The following RSU1 variants were observed in gnomAD, a reference collection of about 807,000 sequenced individuals.
RSU1 encodes the protein Ras suppressor protein 1.
In RSU1, 26 loss-of-function variants were observed where a neutral mutation model predicts 31.1. The observed-to-expected ratio is 0.84, with a 90% CI of 0.61 to 1.16. The LOEUF is 1.16. RSU1 is among the 50% of genes most tolerant of loss of function. The probability of loss-of-function intolerance (pLI) is 0.00; values close to 1 mark genes in which losing one functional copy is unlikely to be tolerated. For missense variants in RSU1, 320 were observed against 339.1 expected (o/e 0.94, Z 0.44); for synonymous variants, 164 against 136.3 (o/e 1.20, Z -1.41).
intron 8 of RSU1, among the ~76,000 whole-genome samples, chr10:16,680,860 G>T (rs1835317946): frequency 6.6e-6 from 1 of 152,106 alleles, no homozygotes; most frequent in Non-Finnish European, 1.5e-5. Flanking sequence ...ACAAAACAAA[G>T]AGCTCAAGTT....
intron 8 of RSU1, among the ~76,000 whole-genome samples, chr10:16,633,988 G>A (rs1040523786): frequency 2.6e-5 from 4 of 152,204 alleles, no homozygotes; most frequent in East Asian, 3.9e-4. Flanking sequence ...GACAGATTAC[G>A]GCAGTGCACG....
intron 8 of RSU1, among the ~76,000 whole-genome samples, chr10:16,694,620 C>T (rs1835635466): frequency 6.6e-6 from 1 of 152,182 alleles, no homozygotes; most frequent in South Asian, 2.1e-4. Context: ...CATCCAGGCT[C>T]GAGTGCAGGG....
At chr10:16,687,232 T>C (rs934255499) in intron 8 of RSU1, among the ~76,000 whole-genome samples, 11 of 152,184 alleles carry the variant, frequency 7.2e-5, no homozygotes, top group Non-Finnish European at 1.6e-4. Context: ...AGCTGGTTTT[T>C]AAGCCCTAGT....
intron 7 of RSU1, among the ~76,000 whole-genome samples, chr10:16,696,324 G>A (rs1835676353): frequency 6.6e-6 from 1 of 152,180 alleles, no homozygotes; most frequent in Non-Finnish European, 1.5e-5. Context: ...TGGGACGCAA[G>A]TACAAAGCAA....
Position 16,722,927 on chromosome 10 carries a change from TAC to T in RSU1, c.599-27774_599-27773del, listed in dbSNP as rs1208373648. Among the ~76,000 whole-genome samples, 27 of 147,574 alleles carry T rather than the reference TAC, an allele frequency of 1.8e-4. No homozygotes were observed. In the East Asian group the frequency reaches 2.2e-3, roughly 12 times the overall value. On this transcript the variant is annotated intron_variant, in intron 7 of 8. Transcript: ENST00000345264. ...ACACACATATACATATATGTATATA[TAC>T]ACACATATACATATATGTATATATA...
rs1000626933 is a variant in RSU1, at chr10:16,590,792, G to A, written c.*2602C>T. 1.3e-5 allele frequency: 2 copies of A among 152,124 alleles called. No individual in the cohort carries two copies. The highest frequency in any genetic ancestry group is 2.9e-5 in the Non-Finnish European group (2 of 68,024). 9.4% of individuals were successfully genotyped at this position (152,124 alleles called of 1,614,324 possible). A position where few individuals can be genotyped will look rare whatever the true frequency, so the allele number is the denominator to read the frequency against. ...ACCTCTATTTAATTTTTATGCACAC[G>A]TATTACAAACAAGCTTCCTTTTGAC... On this transcript the variant is annotated 3_prime_UTR_variant, in exon 9 of 9. Coordinates refer to ENST00000345264, the MANE Select transcript of RSU1 (RefSeq NM_012425.4).
intron 2 of RSU1, among the ~76,000 whole-genome samples, chr10:16,791,371 T>C (rs1029103043): frequency 1.3e-5 from 2 of 152,106 alleles, no homozygotes; most frequent in Non-Finnish European, 2.9e-5. Flanking sequence ...TGGTGGCTCA[T>C]GCCTGTAATC....
intron 7 of RSU1, among the ~76,000 whole-genome samples, chr10:16,702,309 C>T (rs895804595): frequency 2.6e-5 from 4 of 152,200 alleles, no homozygotes; most frequent in East Asian, 1.9e-4. Flanking sequence ...ACTGAGGAAC[C>T]GCCTTACTGG....
chr10:16,804,401 C>T (rs11254202), intron 2 of RSU1, among the ~76,000 whole-genome samples: 10,378 of 152,260 alleles, frequency 0.068, 572 homozygotes, highest in African/African-American at 0.15. Context: ...GAGAAGACAG[C>T]TTAATAGTCT....
At position 16,783,365 on chromosome 10, in the gene RSU1, T is replaced by A. The variant is rs533753138; in HGVS notation, c.110-1281A>T. On this transcript the variant is annotated intron_variant, in intron 2 of 8. Coordinates refer to ENST00000345264, the MANE Select transcript of RSU1 (RefSeq NM_012425.4). ...CACTTCTACTGACCACAACTTTTGC[T>A]TTTTTTTTTGAGACTGAGTCTCACT... is the stretch of plus-strand genomic sequence containing the variant. 8.0e-4 allele frequency among the ~76,000 whole-genome samples: 55 copies of A among 68,782 alleles called. 1 individual carries two copies. In the South Asian group the frequency reaches 0.02, roughly 26 times the overall value. 45.1% of individuals were successfully genotyped at this position (68,782 alleles called of 152,430 possible).
intron 2 of RSU1, among the ~76,000 whole-genome samples, chr10:16,800,097 C>T (rs186409327): frequency 5.3e-5 from 8 of 152,086 alleles, no homozygotes; most frequent in Non-Finnish European, 1.0e-4. Flanking sequence ...AAATTTTACC[C>T]TCTGACACCC....
chr10:16,674,977 G>C (rs1284421370), intron 8 of RSU1, among the ~76,000 whole-genome samples: 1 of 152,138 alleles, frequency 6.6e-6, no homozygotes, highest in East Asian at 1.9e-4. Flanking sequence ...AGGTTGCAGT[G>C]AGCCAAGACT....
intron 8 of RSU1, among the ~76,000 whole-genome samples, chr10:16,663,655 G>A (rs1036824532): frequency 3.3e-5 from 5 of 152,120 alleles, no homozygotes; most frequent in East Asian, 1.9e-4. Context: ...TACATGTGTC[G>A]TCAGTATGCA....
intron 3 of RSU1, among the ~76,000 whole-genome samples, chr10:16,777,746 AT>A (rs1291612185): frequency 1.3e-5 from 2 of 152,206 alleles, no homozygotes; most frequent in Non-Finnish European, 2.9e-5. Flanking sequence ...TAGGGATTGG[AT>A]TAAGGAGCAG....
chr10:16,676,037 G>A (rs1015234001), intron 8 of RSU1, among the ~76,000 whole-genome samples: 1 of 152,182 alleles, frequency 6.6e-6, no homozygotes, highest in East Asian at 1.9e-4. Flanking sequence ...GGTACATGAT[G>A]AGCCAAGAAA....
chr10:16,616,241 A>G (rs1212371819), intron 8 of RSU1, among the ~76,000 whole-genome samples: 1 of 152,154 alleles, frequency 6.6e-6, no homozygotes, highest in East Asian at 1.9e-4. Flanking sequence ...CTAAAACTAG[A>G]AAATCTAGAA....
chr10:16,705,500 A>AT (rs1318725834), intron 7 of RSU1, among the ~76,000 whole-genome samples: 4 of 151,536 alleles, frequency 2.6e-5, no homozygotes, highest in Non-Finnish European at 5.9e-5. Context: ...CATTTTATTT[A>AT]TTTTTTTGAG....
chr10:16,746,391 A>AT lies in RSU1; in HGVS notation c.598+6147dup, dbSNP rs895024530. ...GTTGCATGCCGAGCAGACCAATGTG[A>AT]TTTTTTTTCCCTCTTCTCCAAAGGC... is the stretch of plus-strand genomic sequence containing the variant. On this transcript the variant is annotated intron_variant, in intron 7 of 8. Transcript: ENST00000345264. Among the ~76,000 whole-genome samples, 18 of 151,996 alleles carry AT rather than the reference A, an allele frequency of 1.2e-4. 1 individual carries two copies. The highest frequency in any genetic ancestry group is 3.4e-3 in the Middle Eastern group (1 of 294).
intron 2 of RSU1, among the ~76,000 whole-genome samples, chr10:16,786,053 T>G (rs937905036): frequency 1.3e-5 from 2 of 152,142 alleles, no homozygotes; most frequent in African/African-American, 4.8e-5. Context: ...TAAAATTTCG[T>G]TGGTGACTGG....
Sources: allele counts gnomAD v4.1 joint callset (sites outside exome capture counted in the v4.1 genomes callset), GRCh38; gene constraint gnomAD v4.1.1; transcripts MANE v1.5; gene names NCBI Gene and HGNC (gene_info 2026-07-23, HGNC 2026-07-21).